Variants in PUDP observed in about 807,000 individuals in gnomAD.
PUDP encodes the protein pseudouridine 5'-phosphatase.
A neutral mutation model predicts 9.4 loss-of-function variants in PUDP; 8 were observed. The ratio of observed to expected loss-of-function variants is 0.85; its 90% CI spans 0.50 to 1.53. The LOEUF is 1.53. PUDP is among the 40% of genes most tolerant of loss of function. The probability of loss-of-function intolerance (pLI) is 0.00; values close to 1 mark genes in which losing one functional copy is unlikely to be tolerated. For synonymous variants in PUDP, 99 were observed against 80.7 expected, an observed-to-expected ratio of 1.23 and a Z score of -1.22; for missense variants, 188 against 189.7, an observed-to-expected ratio of 0.99 and a Z score of 0.05.
intron 3 of PUDP, among the ~76,000 whole-genome samples, chrX:7,050,682 G>C (rs754125234): frequency 8.9e-6 from 1 of 112,504 alleles, no homozygotes; most frequent in Admixed American, 9.4e-5. Context: ...CTTTAAAGGG[G>C]AGAGGTTTCT....
intron 3 of PUDP, chrX:7,057,897 A>C (rs977946459): frequency 1.8e-5 from 13 of 725,785 alleles, no homozygotes; most frequent in Non-Finnish European, 2.6e-5. Flanking sequence ...TTCAAGAGGG[A>C]AGGAGAAGGG....
intron 3 of PUDP, among the ~76,000 whole-genome samples, chrX:6,784,912 C>T (rs1001872102): frequency 8.9e-6 from 1 of 112,030 alleles, no homozygotes; most frequent in Non-Finnish European, 1.9e-5. Flanking sequence ...CCATAATGCA[C>T]ATGCAAGGAT....
intron 3 of PUDP, among the ~76,000 whole-genome samples, chrX:6,774,913 T>C (rs1428639824): frequency 8.9e-6 from 1 of 112,738 alleles, no homozygotes; most frequent in Non-Finnish European, 1.9e-5. Flanking sequence ...TTCTCCAAAC[T>C]ATGATATCAG....
intron 3 of PUDP, among the ~76,000 whole-genome samples, chrX:7,067,103 G>A (rs771339347): frequency 8.9e-6 from 1 of 112,353 alleles, no homozygotes; most frequent in South Asian, 3.7e-4. Context: ...CATATGAAGA[G>A]TAATTATGAG....
intron 3 of PUDP, among the ~76,000 whole-genome samples, chrX:6,765,078 G>A (rs1490273773): frequency 1.9e-5 from 2 of 107,454 alleles, no homozygotes; most frequent in Non-Finnish European, 3.8e-5. Flanking sequence ...ACCAGCCTGG[G>A]CAACGTGGTG....
chrX:6,875,469 C>T (rs1477937815), intron 3 of PUDP, among the ~76,000 whole-genome samples: 2 of 111,649 alleles, frequency 1.8e-5, no homozygotes, highest in Admixed American at 1.9e-4. Flanking sequence ...GGCACCACCC[C>T]AGCTGTTTTC....
chrX:6,938,786 C>CTTTTT (rs764265665), intron 3 of PUDP, among the ~76,000 whole-genome samples: 11 of 83,419 alleles, frequency 1.3e-4, no homozygotes, highest in Non-Finnish European at 1.9e-4. Flanking sequence ...TTCTTTCTTT[C>CTTTTT]TTTTTTTTTT....
At chrX:7,006,667 T>C (rs1444002666) in intron 1 of PUDP, among the ~76,000 whole-genome samples, 2 of 111,122 alleles carry the variant, frequency 1.8e-5, no homozygotes, top group Non-Finnish European at 3.8e-5. Flanking sequence ...GTTTCAATCA[T>C]GGCTGAGGTT....
intron 3 of PUDP, among the ~76,000 whole-genome samples, chrX:6,736,389 C>T (rs1369396367): frequency 2.7e-5 from 3 of 111,916 alleles, no homozygotes. Flanking sequence ...GAAACAGGCT[C>T]TTTCATACTT....
chrX:6,781,136 C>T (rs1185174279), intron 3 of PUDP, among the ~76,000 whole-genome samples: 1 of 111,302 alleles, frequency 9.0e-6, no homozygotes, highest in East Asian at 2.8e-4. Flanking sequence ...CCAAGCTACA[C>T]ACACACACAT....
At chrX:6,847,536 C>T (rs987779836) in intron 3 of PUDP, among the ~76,000 whole-genome samples, 1 of 112,103 alleles carries the variant, frequency 8.9e-6, no homozygotes, top group African/African-American at 3.2e-5. Context: ...AAAAAGATCC[C>T]AACCTTCATA....
intron 3 of PUDP, among the ~76,000 whole-genome samples, chrX:7,065,791 C>T (rs1340882054): frequency 8.9e-6 from 1 of 111,849 alleles, no homozygotes; most frequent in Non-Finnish European, 1.9e-5. Context: ...CAATGTTATG[C>T]AATGCAAGGT....
chrX:6,869,005 A>C (rs899603038), intron 3 of PUDP, among the ~76,000 whole-genome samples: 1 of 112,064 alleles, frequency 8.9e-6, no homozygotes, highest in Non-Finnish European at 1.9e-5. Context: ...TGTAGCAATG[A>C]CTGTTGGTGC....
intron 1 of PUDP, among the ~76,000 whole-genome samples, chrX:7,137,487 C>T (rs1199853180): frequency 9.0e-6 from 1 of 111,341 alleles, no homozygotes; most frequent in Non-Finnish European, 1.9e-5. Context: ...GCGGAGCTTG[C>T]AGTGAGCCGA....
chrX:6,879,138 A>T (rs1195978667), intron 3 of PUDP, among the ~76,000 whole-genome samples: 3 of 111,855 alleles, frequency 2.7e-5, no homozygotes, highest in Non-Finnish European at 5.6e-5. Context: ...TCACTGGAGA[A>T]GTCTAAATCC....
intron 2 of PUDP, among the ~76,000 whole-genome samples, chrX:7,092,234 T>C (rs1931441176): frequency 8.9e-6 from 1 of 112,221 alleles, no homozygotes; most frequent in Non-Finnish European, 1.9e-5. Flanking sequence ...TGGGAAAGAG[T>C]TTCAGTTTTC....
intron 3 of PUDP, among the ~76,000 whole-genome samples, chrX:6,968,910 G>A (rs73190785): frequency 0.032 from 3,542 of 111,987 alleles, 44 homozygotes; most frequent in Non-Finnish European, 0.038. Context: ...GTGAGCCACC[G>A]CACCTGGCCC....
chrX:6,987,355 C>T (rs1929116580), intron 1 of PUDP, among the ~76,000 whole-genome samples: 1 of 111,818 alleles, frequency 8.9e-6, no homozygotes, highest in South Asian at 3.8e-4. Flanking sequence ...GAAGGAAACA[C>T]GATAAGGAAA....
chrX:7,037,753 G>A (rs1187553777), intron 1 of PUDP, among the ~76,000 whole-genome samples: 1 of 112,180 alleles, frequency 8.9e-6, no homozygotes, highest in Non-Finnish European at 1.9e-5. Context: ...ACTACCATTT[G>A]AAAAGAAAAG....
Sources: gnomAD v4.1 joint callset for allele counts (sites outside exome capture counted in the v4.1 genomes callset) on GRCh38, gnomAD v4.1.1 for gene constraint, MANE v1.5 for transcripts, NCBI Gene and HGNC (gene_info 2026-07-23, HGNC 2026-07-21) for gene names.